Variants in LRRFIP2 observed in about 807,000 individuals in gnomAD.
LRRFIP2 encodes leucine-rich repeat flightless-interacting protein 2.
A neutral mutation model predicts 125.9 loss-of-function variants in LRRFIP2; 109 were observed. The ratio of observed to expected loss-of-function variants is 0.87; its 90% CI spans 0.74 to 1.01. The LOEUF is 1.01. Among genes scored for constraint, LRRFIP2 ranks in the 50% least tolerant of loss-of-function variants. The pLI, the probability that LRRFIP2 is intolerant of heterozygous loss-of-function variation, is 0.00. For missense variants in LRRFIP2, 850 were observed against 862.3 expected (o/e 0.99, Z 0.18); for synonymous variants, 291 against 293.1 (o/e 0.99, Z 0.07).
At chr3:37,074,512 C>T (rs1210980364) in intron 20 of LRRFIP2, among the ~76,000 whole-genome samples, 2 of 152,126 alleles carry the variant, frequency 1.3e-5, no homozygotes, top group African/African-American at 4.8e-5. Flanking sequence ...TGCTTCATTC[C>T]ATTCCTAAGA....
intron 2 of LRRFIP2, among the ~76,000 whole-genome samples, chr3:37,142,842 T>A (rs747307864): frequency 6.6e-6 from 1 of 152,204 alleles, no homozygotes; most frequent in Non-Finnish European, 1.5e-5. Flanking sequence ...GCCTAAACAG[T>A]ACGAGTTCAA....
chr3:37,122,891 C>G (rs999660608), intron 4 of LRRFIP2, among the ~76,000 whole-genome samples: 1 of 152,172 alleles, frequency 6.6e-6, no homozygotes, highest in African/African-American at 2.4e-5. Flanking sequence ...ACCTAATCAT[C>G]TCAAACAGTA....
chr3:37,122,658 T>C (rs2095104111), intron 4 of LRRFIP2, among the ~76,000 whole-genome samples: 2 of 152,172 alleles, frequency 1.3e-5, no homozygotes, highest in Non-Finnish European at 2.9e-5. Context: ...AGCCTGATTG[T>C]GTTGTTAATA....
chr3:37,123,233 G>A (rs2095136323), intron 4 of LRRFIP2, among the ~76,000 whole-genome samples: 2 of 152,158 alleles, frequency 1.3e-5, no homozygotes, highest in African/African-American at 4.8e-5. Context: ...CTGTCGCCTA[G>A]GCTGGAATGC....
At chr3:37,162,003 C>G (rs1363673916) in intron 1 of LRRFIP2, among the ~76,000 whole-genome samples, 1 of 151,234 alleles carries the variant, frequency 6.6e-6, no homozygotes, top group Admixed American at 6.6e-5. Context: ...CATGGCAAAA[C>G]CTCCTCTCAT....
intron 24 of LRRFIP2, among the ~76,000 whole-genome samples, chr3:37,062,142 C>T (rs1005775346): frequency 1.3e-5 from 2 of 152,212 alleles, no homozygotes; most frequent in African/African-American, 4.8e-5. Context: ...CTACCCACTC[C>T]ATGCCTGCCC....
chr3:37,137,893 C>G (rs757590908), intron 2 of LRRFIP2, among the ~76,000 whole-genome samples: 11 of 152,198 alleles, frequency 7.2e-5, no homozygotes, highest in Non-Finnish European at 1.6e-4. Context: ...AACCCAAGGT[C>G]TGACGACCTC....
chr3:37,124,610 A>C (rs2095203696), intron 4 of LRRFIP2, among the ~76,000 whole-genome samples: 1 of 152,210 alleles, frequency 6.6e-6, no homozygotes. Context: ...AGAAAGTTGC[A>C]GCACAGAAGG....
chr3:37,137,323 G>C (rs2095583429), intron 2 of LRRFIP2, among the ~76,000 whole-genome samples: 1 of 152,048 alleles, frequency 6.6e-6, no homozygotes, highest in South Asian at 2.1e-4. Flanking sequence ...GTACAGAAGG[G>C]TTAAGTAACT....
intron 6 of LRRFIP2, among the ~76,000 whole-genome samples, chr3:37,117,630 T>C (rs2094849956): frequency 6.6e-6 from 1 of 152,156 alleles, no homozygotes; most frequent in African/African-American, 2.4e-5. Context: ...AAATTTGCTA[T>C]TGTAATCTTT....
intron 2 of LRRFIP2, chr3:37,134,948 A>C: frequency 6.9e-7 from 1 of 1,447,456 alleles, no homozygotes; most frequent in East Asian, 2.3e-5. Context: ...TGCCTGCTTT[A>C]AAACTATTTC....
At chr3:37,150,198 C>G (rs970525469) in intron 1 of LRRFIP2, among the ~76,000 whole-genome samples, 3 of 152,156 alleles carry the variant, frequency 2.0e-5, no homozygotes, top group Non-Finnish European at 4.4e-5. Context: ...CGCGGTGGCT[C>G]ACGCCTGTAA....
rs1034387791 is a variant in LRRFIP2 at position 37,053,248 on chromosome 3, C to T, written c.*603G>A. On this transcript the variant is annotated 3_prime_UTR_variant, in exon 28 of 28. Transcript: ENST00000336686. The stretch of plus-strand genomic sequence containing the variant: ...ATAAAGCAAGTTTTATATACACTCC[C>T]CATATTTTTTTCTAACATTTTCTTA... The T allele has an allele frequency of 2.6e-5, 4 of 152,680 alleles. No homozygotes were observed. Among genetic ancestry groups the T allele is most frequent in the African/African-American group, 9.7e-5 (4 of 41,376 alleles). 9.5% of individuals were successfully genotyped at this position (152,680 alleles called of 1,614,324 possible).
intron 1 of LRRFIP2, among the ~76,000 whole-genome samples, chr3:37,159,828 GAAA>G (rs111830518): frequency 1.9e-5 from 2 of 104,344 alleles, no homozygotes; most frequent in East Asian, 2.6e-4. Flanking sequence ...ATTTCTGGAA[GAAA>G]AAAAAAAAAA....
chr3:37,140,558 C>T (rs1313716764), intron 2 of LRRFIP2: 1 of 151,702 alleles, frequency 6.6e-6, no homozygotes, highest in African/African-American at 2.4e-5. Context: ...CATGGGAAAA[C>T]CCCGTCTCTA....
At chr3:37,076,250 A>G (rs726769) in intron 19 of LRRFIP2, among the ~76,000 whole-genome samples, 55,257 of 152,162 alleles carry the variant, frequency 0.36, 10,974 homozygotes, top group Non-Finnish European at 0.45. Context: ...TGGGCTGGGC[A>G]TGGTAGCTCA....
At chr3:37,174,102 A>G (rs2096623879) in intron 1 of LRRFIP2, 1 of 152,090 alleles carries the variant, frequency 6.6e-6, no homozygotes, top group African/African-American at 2.4e-5. Context: ...TATCCAAAGT[A>G]AAAAAAAGAT....
chr3:37,101,143 G>T (rs946697462), intron 15 of LRRFIP2, among the ~76,000 whole-genome samples: 3 of 151,466 alleles, frequency 2.0e-5, no homozygotes, highest in African/African-American at 7.3e-5. Context: ...GGACCATGAG[G>T]TCAGGAGTTC....
chr3:37,072,794 AT>A lies in LRRFIP2; in HGVS notation c.1459del (p.Ile487LeufsTer4). On this transcript the variant is annotated frameshift_variant, in exon 21 of 28. Transcript: ENST00000336686. LOFTEE classifies it high-confidence loss of function. ...AAGCCCAATTTCATTTCATACCCCA[AT>A]TTTTTTATCTTTCCAAAGAAGTGTC... ...QETLLWKDKK[I>X]GALEKQKEYI... The A allele has an allele frequency of 6.2e-7, 1 of 1,608,316 alleles. No individual in the cohort carries two copies. The highest frequency in any genetic ancestry group is 8.5e-7 in the Non-Finnish European group (1 of 1,175,500).
Sources: gnomAD v4.1 joint callset for allele counts (sites outside exome capture counted in the v4.1 genomes callset) on GRCh38, gnomAD v4.1.1 for gene constraint, MANE v1.5 for transcripts, NCBI Gene and HGNC (gene_info 2026-07-23, HGNC 2026-07-21) for gene names.